KCNK9: variants seen among roughly 807,000 people sequenced by gnomAD.
KCNK9 encodes potassium two pore domain channel subfamily K member 9, also known as potassium channel subfamily K member 9.
KCNK9 carries 1 observed loss-of-function variant against 10.8 expected under a neutral mutation model. The ratio of observed to expected loss-of-function variants is 0.09; its 90% CI spans 0.03 to 0.44. KCNK9 has a LOEUF of 0.44. Among genes scored for constraint, KCNK9 ranks in the 20% least tolerant of loss-of-function variants. KCNK9 has a pLI of 0.97. For missense variants in KCNK9, 303 were observed against 515.0 expected (o/e 0.59, Z 3.98); for synonymous variants, 231 against 222.7 (o/e 1.04, Z -0.33).
chr8:139,682,489 G>A (rs974632991), intron 1 of KCNK9, among the ~76,000 whole-genome samples: 1 of 152,224 alleles, frequency 6.6e-6, no homozygotes, highest in African/African-American at 2.4e-5. Context: ...GCCTGGGAAG[G>A]CTGCACAGAG....
intron 1 of KCNK9, among the ~76,000 whole-genome samples, chr8:139,649,528 C>T (rs1254601823): frequency 6.6e-6 from 1 of 152,192 alleles, no homozygotes; most frequent in African/African-American, 2.4e-5. Context: ...CCTTACCACC[C>T]ACCCCTGAGA....
At chr8:139,654,365 G>A (rs138434690) in intron 1 of KCNK9, among the ~76,000 whole-genome samples, 31 of 152,278 alleles carry the variant, frequency 2.0e-4, no homozygotes, top group African/African-American at 6.0e-4. Context: ...CGCTGGCCTC[G>A]GAGCGCGGCC....
At chr8:139,677,775 T>C (rs1454402233) in intron 1 of KCNK9, among the ~76,000 whole-genome samples, 1 of 138,516 alleles carries the variant, frequency 7.2e-6, no homozygotes, top group Non-Finnish European at 1.5e-5. Context: ...GATCCCAATG[T>C]GTCCCCATGG....
At chr8:139,671,853 A>C (rs1263641601) in intron 1 of KCNK9, among the ~76,000 whole-genome samples, 2 of 151,886 alleles carry the variant, frequency 1.3e-5, no homozygotes, top group Non-Finnish European at 2.9e-5. Flanking sequence ...GAGCCACCGC[A>C]CCCGGCCAAT....
At chr8:139,665,430 C>A (rs1005857556) in intron 1 of KCNK9, among the ~76,000 whole-genome samples, 1 of 152,174 alleles carries the variant, frequency 6.6e-6, no homozygotes, top group African/African-American at 2.4e-5. Context: ...CTGGATTGAT[C>A]CAGGAACCTC....
intron 1 of KCNK9, among the ~76,000 whole-genome samples, chr8:139,683,304 A>G (rs2319423): frequency 0.74 from 112,948 of 152,044 alleles, 42,287 homozygotes; most frequent in African/African-American, 0.78. Flanking sequence ...CACCCGCCCC[A>G]CCCCTGCTGG....
chr8:139,692,768 A>G (rs1006804842), intron 1 of KCNK9, among the ~76,000 whole-genome samples: 7 of 152,050 alleles, frequency 4.6e-5, no homozygotes, highest in African/African-American at 1.7e-4. Flanking sequence ...AGTGGCAATC[A>G]GCTCCCCCCC....
In KCNK9 at chr8:139,652,583, G is replaced by A. The variant is rs369690406; in HGVS notation, c.284-33484C>T. Among the ~76,000 whole-genome samples, 20 of 152,272 alleles carry A rather than the reference G, an allele frequency of 1.3e-4. No individual in the cohort carries two copies. The East Asian group carries it at 2.3e-3, about 18-fold the overall frequency. ...GCGGGGGCCGCCAGCCTGCCCTGGC[G>A]CTCCTCTAAGGGCCGGATTCTCCTG... On this transcript the variant is annotated intron_variant, in intron 1 of 1. Transcript: ENST00000520439.
chr8:139,630,657 G>A (rs896101392), intron 1 of KCNK9, among the ~76,000 whole-genome samples: 2 of 152,220 alleles, frequency 1.3e-5, no homozygotes, highest in Non-Finnish European at 2.9e-5. Flanking sequence ...CAGGTCCGGG[G>A]ACTTGGGCCT....
At chr8:139,696,280 T>C (rs992918201) in intron 1 of KCNK9, among the ~76,000 whole-genome samples, 1 of 152,220 alleles carries the variant, frequency 6.6e-6, no homozygotes, top group African/African-American at 2.4e-5. Flanking sequence ...TTCTGTCTCT[T>C]GTTAAGAGTG....
chr8:139,654,598 G>T (rs1328829234), intron 1 of KCNK9, among the ~76,000 whole-genome samples: 1 of 152,212 alleles, frequency 6.6e-6, no homozygotes, highest in Non-Finnish European at 1.5e-5. Context: ...TAGCCCTCAG[G>T]CCACAGCTGA....
Position 139,700,493 on chromosome 8 carries a change from C to T in KCNK9, c.283+2217G>A, listed in dbSNP as rs1170782686. Among the ~76,000 whole-genome samples, 385 of 138,632 alleles carry T rather than the reference C, an allele frequency of 2.8e-3. 1 individual carries two copies. The highest frequency in any genetic ancestry group is 0.011 in the African/African-American group (368 of 33,576). The allele number at this position is 138,632 out of a possible 152,430, so 90.9% of individuals were successfully genotyped here. On this transcript the variant is annotated intron_variant, in intron 1 of 1. Coordinates refer to ENST00000520439, the MANE Select transcript of KCNK9 (RefSeq NM_001282534.2). The stretch of plus-strand genomic sequence containing the variant: ...TTTTATTCACATACACATACACACA[C>T]ACACACACACACACACGCGCGCGCG...
intron 1 of KCNK9, among the ~76,000 whole-genome samples, chr8:139,642,905 G>T (rs1401476425): frequency 6.6e-6 from 1 of 152,164 alleles, no homozygotes; most frequent in African/African-American, 2.4e-5. Flanking sequence ...ATAGCTGTTG[G>T]CAGAACAAGA....
At chr8:139,685,251 C>A (rs1274569170) in intron 1 of KCNK9, among the ~76,000 whole-genome samples, 1 of 152,068 alleles carries the variant, frequency 6.6e-6, no homozygotes, top group Non-Finnish European at 1.5e-5. Context: ...ACACTTGAAA[C>A]ACATTAGCTA....
chr8:139,677,569 G>C (rs1193526648), intron 1 of KCNK9, among the ~76,000 whole-genome samples: 1 of 106,174 alleles, frequency 9.4e-6, no homozygotes, highest in African/African-American at 3.4e-5. Context: ...CTCTTACAAG[G>C]AGGAAAAAAA....
intron 1 of KCNK9, among the ~76,000 whole-genome samples, chr8:139,645,897 A>C (rs1336995374): frequency 2.6e-5 from 4 of 151,546 alleles, no homozygotes; most frequent in African/African-American, 9.7e-5. Context: ...TGCCTGTGCC[A>C]GAAGCCCAAA....
chr8:139,613,130 T>C (rs16911077), downstream of KCNK9, among the ~76,000 whole-genome samples: 261 of 152,332 alleles, frequency 1.7e-3, no homozygotes, highest in African/African-American at 6.0e-3. Flanking sequence ...CTCTTGTTCA[T>C]GGCGGACAAT....
chr8:139,647,346 G>A (rs963182335), intron 1 of KCNK9, among the ~76,000 whole-genome samples: 5 of 152,208 alleles, frequency 3.3e-5, no homozygotes, highest in African/African-American at 1.2e-4. Flanking sequence ...AGCCCATGAG[G>A]ACCTGCTGTT....
chr8:139,692,759 G>A (rs1217391367), intron 1 of KCNK9, among the ~76,000 whole-genome samples: 1 of 152,176 alleles, frequency 6.6e-6, no homozygotes, highest in Non-Finnish European at 1.5e-5. Context: ...CCTGGCATCA[G>A]TGGCAATCAG....
Sources: allele counts gnomAD v4.1 joint callset (sites outside exome capture counted in the v4.1 genomes callset), GRCh38; gene constraint gnomAD v4.1.1; transcripts MANE v1.5; gene names NCBI Gene and HGNC (gene_info 2026-07-23, HGNC 2026-07-21).